Variants in ENTR1 observed in about 807,000 individuals in gnomAD.
ENTR1 encodes endosome associated trafficking regulator 1, also known as endosome-associated-trafficking regulator 1.
ENTR1 carries 47 observed loss-of-function variants against 47.9 expected under a neutral mutation model. That is an observed-to-expected ratio of 0.98 (90% confidence interval 0.78 to 1.25). The LOEUF (loss-of-function observed/expected upper bound fraction) is 1.25. Among genes scored for constraint, ENTR1 ranks in the 50% most tolerant of loss-of-function variants. The pLI, the probability that ENTR1 is intolerant of heterozygous loss-of-function variation, is 0.00. For missense variants in ENTR1, 668 were observed against 570.5 expected (o/e 1.17, Z -1.74); for synonymous variants, 290 against 245.8 (o/e 1.18, Z -1.68).
chr9:136,404,708 A>C lies in ENTR1; in HGVS notation c.1006-15T>G. 4.3e-6 allele frequency: 7 copies of C among 1,613,906 alleles called. No homozygotes were observed. The highest frequency in any genetic ancestry group is 4.2e-6 in the Non-Finnish European group (5 of 1,179,924). Reference sequence around the variant, plus strand: ...ACAGCCCGTTTCTGTTACCCAAAAAAGAAAAACCACAAAAAGCATCACTGA... The same window carrying C: ...ACAGCCCGTTTCTGTTACCCAAAAACGAAAAACCACAAAAAGCATCACTGA... On this transcript the variant is annotated splice_polypyrimidine_tract_variant and intron_variant, in intron 7 of 9. Transcript: ENST00000357365.
intron 3 of ENTR1, among the ~76,000 whole-genome samples, chr9:136,408,246 G>C (rs1834877023): frequency 6.6e-6 from 1 of 152,184 alleles, no homozygotes; most frequent in Admixed American, 6.5e-5. Context: ...CACACACCCA[G>C]CTCCCTGGTG....
rs559131767 is a variant in ENTR1, at chr9:136,408,503, G to A, written c.289+496C>T. Among the ~76,000 whole-genome samples the A allele has an allele frequency of 4.6e-5, 7 of 152,124 alleles. No individual in the cohort carries two copies. In the East Asian group the frequency reaches 1.2e-3, roughly 25 times the overall value. On this transcript the variant is annotated intron_variant, in intron 3 of 9. Transcript: ENST00000357365. ...TGAGGCAGGAGAATGGCGTGAACCT[G>A]GGAGGTGGAGCTTGCAGTGAGCCGA...
intron 4 of ENTR1, 82 bp downstream of exon 4, chr9:136,407,744 T>C: frequency 7.2e-7 from 1 of 1,389,078 alleles, no homozygotes. Flanking sequence ...GCCACACTCA[T>C]GCACGATTCC....
At chr9:136,403,069 T>A (rs1213471320) in intron 9 of ENTR1, among the ~76,000 whole-genome samples, 182 bp from the exon 10 acceptor site, 1 of 84,982 alleles carries the variant, frequency 1.2e-5, no homozygotes, top group Non-Finnish European at 2.3e-5. Flanking sequence ...ATGGGGAGGG[T>A]TTCCACAGGG....
At chr9:136,404,230 C>A (rs765649545) in intron 8 of ENTR1, 36 bp from the exon 9 acceptor site, 1 of 1,559,752 alleles carries the variant, frequency 6.4e-7, no homozygotes, top group Non-Finnish European at 8.7e-7. Context: ...CAGAGCAGCT[C>A]CGAGGCAACC....
chr9:136,406,430 C>G (rs1014306054), intron 5 of ENTR1, among the ~76,000 whole-genome samples: 2 of 151,740 alleles, frequency 1.3e-5, no homozygotes, highest in African/African-American at 4.8e-5. Flanking sequence ...GATCGTGCCA[C>G]TCCACTCCAG....
chr9:136,403,811 G>C (rs950002397), intron 9 of ENTR1, among the ~76,000 whole-genome samples: 20 of 152,160 alleles, frequency 1.3e-4, no homozygotes, highest in African/African-American at 4.8e-4. Flanking sequence ...TCAGTGCAGG[G>C]TGCTGTGGCT....
intron 5 of ENTR1, 162 bp downstream of exon 5, chr9:136,406,983 A>T: frequency 1.4e-6 from 1 of 699,610 alleles, no homozygotes; most frequent in Non-Finnish European, 2.3e-6. Context: ...ACGTGTAACC[A>T]GAAGCAAAGT....
At chr9:136,402,950 G>A in intron 9 of ENTR1, 63 bp from the exon 10 acceptor site, 1 of 1,252,356 alleles carries the variant, frequency 8.0e-7, no homozygotes, top group South Asian at 1.2e-5. Context: ...CAGGGTTCTG[G>A]GGGGAGAAAG....
chr9:136,407,485 T>C lies in ENTR1; in HGVS notation c.479A>G (p.Gln160Arg). 1.2e-6 allele frequency: 2 copies of C among 1,607,610 alleles called. No homozygotes were observed. The highest frequency in any genetic ancestry group is 1.7e-6 in the Non-Finnish European group (2 of 1,179,480). Reference protein sequence around the residue: ...SQTGGYGLEYQQPFFEDPTGA... With the variant: ...SQTGGYGLEYRQPFFEDPTGA... ...TGTCGGATCCTCGAAAAATGGCTGC[T>C]GATACTCCAGGCCATACCCGCCGGT... The change falls in exon 5 of 10, where the codon CAG becomes CGG. Residue 160 changes from glutamine (Q) to arginine (R), a missense_variant. Physicochemically the swap from Gln to Arg is conservative, Grantham distance 43. Transcript: ENST00000357365.
chr9:136,404,414 G>A (rs1834660646), intron 8 of ENTR1, among the ~76,000 whole-genome samples: 1 of 152,156 alleles, frequency 6.6e-6, no homozygotes, highest in Non-Finnish European at 1.5e-5. Context: ...ACTCCTACAA[G>A]TGGATGCCCC....
At chr9:136,410,031 G>A in intron 2 of ENTR1, 59 bp downstream of exon 2, 2 of 1,586,726 alleles carry the variant, frequency 1.3e-6, no homozygotes, top group Non-Finnish European at 1.7e-6. Context: ...TGCAGCGGAG[G>A]TGCCACACGT....
chr9:136,403,683 G>T (rs1168950065), intron 9 of ENTR1, among the ~76,000 whole-genome samples: 2 of 152,098 alleles, frequency 1.3e-5, no homozygotes, highest in Non-Finnish European at 2.9e-5. Context: ...TGGCTGGCGT[G>T]TCCCCAGCCA....
intron 5 of ENTR1, 117 bp from the exon 6 acceptor site, chr9:136,406,095 A>G (rs10781518): frequency 0.44 from 272,835 of 626,142 alleles, 59,765 homozygotes; most frequent in Admixed American, 0.55. Context: ...TCAGTGCAGC[A>G]TCCACCTGCA....
intron 5 of ENTR1, among the ~76,000 whole-genome samples, chr9:136,406,782 A>T (rs545257071): frequency 2.0e-4 from 30 of 149,862 alleles, no homozygotes; most frequent in South Asian, 8.5e-4. Flanking sequence ...CAGCTAAAAA[A>T]TTTTTTTTTT....
chr9:136,404,783 G>A lies in ENTR1; in HGVS notation c.1006-90C>T, dbSNP rs1455184508. The A allele has an allele frequency of 5.9e-6, 8 of 1,351,002 alleles. No homozygotes were observed. The South Asian group carries it at 7.2e-5, about 12-fold the overall frequency. The allele number at this position is 1,351,002 out of a possible 1,614,324, so 83.7% of individuals were successfully genotyped here. A position where few individuals can be genotyped will look rare whatever the true frequency, so the allele number is the denominator to read the frequency against. The stretch of plus-strand genomic sequence containing the variant: ...GGGCCCCAACCCAGGGAGCAGGAGG[G>A]CACCCAACCTGGCTGTGGCCCTTCA... On this transcript the variant is annotated intron_variant, in intron 7 of 9. Coordinates refer to ENST00000357365, the MANE Select transcript of ENTR1 (RefSeq NM_001039707.2).
At chr9:136,403,889 G>A in intron 9 of ENTR1, 166 bp downstream of exon 9, 1 of 796,830 alleles carries the variant, frequency 1.3e-6, no homozygotes, top group Non-Finnish European at 2.0e-6. Flanking sequence ...TGTCCACACA[G>A]TGACCCAGAG....
chr9:136,402,492 CTT>C lies in ENTR1; in HGVS notation c.*294_*295del, dbSNP rs879791104. On this transcript the variant is annotated 3_prime_UTR_variant, in exon 10 of 10. Transcript: ENST00000357365. Reference sequence around the variant, plus strand: ...GGAAAACATTGATTCCAGAACCACTCTTTTTCTTAAAATCACTGGCTTTTATG... The same window carrying C: ...GGAAAACATTGATTCCAGAACCACTCTTTCTTAAAATCACTGGCTTTTATG... 1.5e-4 allele frequency: 40 copies of C among 273,082 alleles called. 1 individual carries two copies. Among genetic ancestry groups the C allele is most frequent in the Admixed American group, 1.2e-3 (24 of 19,540 alleles). 16.9% of individuals were successfully genotyped at this position (273,082 alleles called of 1,614,324 possible).
intron 5 of ENTR1, 48 bp downstream of exon 5, chr9:136,407,097 G>A (rs1834800091): frequency 1.3e-6 from 2 of 1,523,804 alleles, no homozygotes; most frequent in Admixed American, 2.0e-5. Flanking sequence ...CCCGGGAGAA[G>A]CCGCTCGGAC....
Sources: gnomAD v4.1 joint callset for allele counts (sites outside exome capture counted in the v4.1 genomes callset) on GRCh38, gnomAD v4.1.1 for gene constraint, MANE v1.5 for transcripts, NCBI Gene and HGNC (gene_info 2026-07-23, HGNC 2026-07-21) for gene names.